MYO5B: variants seen among roughly 807,000 people sequenced by gnomAD.
MYO5B encodes the protein unconventional myosin-Vb.
In MYO5B, 143 loss-of-function variants were observed where a neutral mutation model predicts 229.3. That is an observed-to-expected ratio of 0.62 (90% confidence interval 0.54 to 0.72). The LOEUF is 0.72. MYO5B is among the 30% of genes least tolerant of loss of function. MYO5B has a pLI of 0.00. For synonymous variants in MYO5B, 918 were observed against 885.2 expected, an observed-to-expected ratio of 1.04 and a Z score of -0.66; for missense variants, 2,321 against 2,331.0, an observed-to-expected ratio of 1.00 and a Z score of 0.09.
intron 14 of MYO5B, among the ~76,000 whole-genome samples, chr18:49,950,227 T>C (rs2144238777): frequency 6.6e-6 from 1 of 152,230 alleles, no homozygotes; most frequent in East Asian, 1.9e-4. Flanking sequence ...GTTGCTGGGA[T>C]GGGGACAGGG....
intron 12 of MYO5B, among the ~76,000 whole-genome samples, chr18:49,960,270 A>G (rs2025543822): frequency 6.6e-6 from 1 of 152,202 alleles, no homozygotes; most frequent in Non-Finnish European, 1.5e-5. Flanking sequence ...AACTGTTCAC[A>G]GTGCAATGTA....
intron 32 of MYO5B, among the ~76,000 whole-genome samples, chr18:49,848,108 A>T (rs2144050393): frequency 6.6e-6 from 1 of 152,358 alleles, no homozygotes; most frequent in Non-Finnish European, 1.5e-5. Context: ...ACGCTGTCCT[A>T]AGCACGGGAA....
At chr18:50,137,466 G>GT (rs1210274816) in intron 1 of MYO5B, among the ~76,000 whole-genome samples, 3 of 152,164 alleles carry the variant, frequency 2.0e-5, no homozygotes, top group African/African-American at 7.2e-5. Flanking sequence ...TCTAGGCTCA[G>GT]TTTTCTCAGC....
chr18:49,846,476 G>A (rs901789842), intron 33 of MYO5B, among the ~76,000 whole-genome samples: 1 of 152,142 alleles, frequency 6.6e-6, no homozygotes, highest in Non-Finnish European at 1.5e-5. Flanking sequence ...ACACTGGTGA[G>A]TAGCACAGCC....
At chr18:49,848,260 T>G (rs1324928824) in intron 32 of MYO5B, among the ~76,000 whole-genome samples, 1 of 151,602 alleles carries the variant, frequency 6.6e-6, no homozygotes, top group Non-Finnish European at 1.5e-5. Context: ...GGTGATGGGC[T>G]GGAAGGACCC....
chr18:49,826,302 T>C lies in MYO5B; in HGVS notation c.*169A>G. On this transcript the variant is annotated 3_prime_UTR_variant, in exon 40 of 40. Coordinates refer to ENST00000285039, the MANE Select transcript of MYO5B (RefSeq NM_001080467.3). ...TATTCTGAGCAGTAGGTACAAAAAATAATGACATAGTTGTGTCTAATTCTG... is the reference window on the plus strand; with the variant it reads ...TATTCTGAGCAGTAGGTACAAAAAACAATGACATAGTTGTGTCTAATTCTG... 1.2e-6 allele frequency: 1 copy of C among 801,426 alleles called. No individual in the cohort carries two copies. Among genetic ancestry groups the C allele is most frequent in the Non-Finnish European group, 2.0e-6 (1 of 503,064 alleles). The allele number at this position is 801,426 out of a possible 1,614,324, so 49.6% of individuals were successfully genotyped here. A position where few individuals can be genotyped will look rare whatever the true frequency, so the allele number is the denominator to read the frequency against.
chr18:50,112,112 C>T (rs989832982), intron 1 of MYO5B, among the ~76,000 whole-genome samples: 1 of 152,066 alleles, frequency 6.6e-6, no homozygotes, highest in Admixed American at 6.6e-5. Context: ...TATATTAGAT[C>T]GAGTAGTCAA....
chr18:50,103,122 T>G (rs1029982919), intron 1 of MYO5B, among the ~76,000 whole-genome samples: 10 of 152,264 alleles, frequency 6.6e-5, no homozygotes, highest in African/African-American at 1.9e-4. Flanking sequence ...TTCCAGCTCC[T>G]GTGGTTAACT....
intron 4 of MYO5B, among the ~76,000 whole-genome samples, chr18:50,018,012 T>C (rs1453670022): frequency 3.3e-5 from 5 of 152,220 alleles, no homozygotes; most frequent in Non-Finnish European, 7.3e-5. Context: ...GTGACTCAAA[T>C]ATGAGTTAAA....
At chr18:49,940,070 C>T (rs1217140565) in intron 14 of MYO5B, among the ~76,000 whole-genome samples, 2 of 152,178 alleles carry the variant, frequency 1.3e-5, no homozygotes, top group Non-Finnish European at 2.9e-5. Context: ...GGAGTATTTA[C>T]TGAGTACCTA....
chr18:50,120,481 G>T (rs1351221082), intron 1 of MYO5B, among the ~76,000 whole-genome samples: 1 of 152,156 alleles, frequency 6.6e-6, no homozygotes, highest in African/African-American at 2.4e-5. Flanking sequence ...GTCTCAACGG[G>T]CCATGTCCTA....
chr18:50,065,817 T>C (rs2030806770), intron 1 of MYO5B, among the ~76,000 whole-genome samples: 1 of 152,058 alleles, frequency 6.6e-6, no homozygotes, highest in African/African-American at 2.4e-5. Flanking sequence ...CTGGAGATGA[T>C]TCAAGCTGAA....
intron 26 of MYO5B, 97 bp from the exon 27 acceptor site, chr18:49,872,329 G>T: frequency 8.3e-7 from 1 of 1,201,504 alleles, no homozygotes; most frequent in Non-Finnish European, 1.2e-6. Context: ...TCCTGCCTGT[G>T]CGTGAATACC....
chr18:49,953,537 G>T (rs191496929), intron 13 of MYO5B, among the ~76,000 whole-genome samples, 194 bp from the exon 14 acceptor site: 1 of 152,264 alleles, frequency 6.6e-6, no homozygotes, highest in Non-Finnish European at 1.5e-5. Flanking sequence ...TTCATTTTGT[G>T]GAAGAAATTG....
intron 1 of MYO5B, among the ~76,000 whole-genome samples, chr18:50,116,837 G>A (rs1378263289): frequency 2.8e-5 from 4 of 141,346 alleles, no homozygotes; most frequent in Non-Finnish European, 4.6e-5. Context: ...GAGAACCACT[G>A]AGTTACCAAA....
intron 39 of MYO5B, among the ~76,000 whole-genome samples, chr18:49,829,220 A>G (rs1026272455): frequency 2.0e-5 from 3 of 151,996 alleles, no homozygotes; most frequent in Non-Finnish European, 2.9e-5. Flanking sequence ...CTGGGATTAC[A>G]GGTGTGTGGG....
chr18:49,981,246 A>G (rs1405902257), intron 8 of MYO5B, among the ~76,000 whole-genome samples: 1 of 152,272 alleles, frequency 6.6e-6, no homozygotes, highest in Non-Finnish European at 1.5e-5. Flanking sequence ...GCGTTTTTAC[A>G]GAATGATTCA....
At chr18:50,081,325 C>T (rs2031215363) in intron 1 of MYO5B, among the ~76,000 whole-genome samples, 1 of 152,182 alleles carries the variant, frequency 6.6e-6, no homozygotes, top group South Asian at 2.1e-4. Flanking sequence ...CAATGGGAGG[C>T]TGCCCAACCC....
intron 1 of MYO5B, among the ~76,000 whole-genome samples, chr18:50,190,390 C>T (rs2033210849): frequency 6.6e-6 from 1 of 152,216 alleles, no homozygotes; most frequent in Non-Finnish European, 1.5e-5. Context: ...TGACCACATG[C>T]ATGCCACTGT....
Sources: allele counts gnomAD v4.1 joint callset (sites outside exome capture counted in the v4.1 genomes callset), GRCh38; gene constraint gnomAD v4.1.1; transcripts MANE v1.5; gene names NCBI Gene and HGNC (gene_info 2026-07-23, HGNC 2026-07-21).